Variants in PLXNA4 observed in about 807,000 individuals in gnomAD.
PLXNA4 encodes the protein plexin A4.
In PLXNA4, 44 loss-of-function variants were observed where a neutral mutation model predicts 191.8. The observed-to-expected ratio is 0.23, with a 90% CI of 0.18 to 0.29. The LOEUF (loss-of-function observed/expected upper bound fraction) is 0.29. Ranked by LOEUF, PLXNA4 falls within the 10% of genes least tolerant of loss-of-function variation. The pLI, the probability that PLXNA4 is intolerant of heterozygous loss-of-function variation, is 1.00. For synonymous variants in PLXNA4, 1,082 were observed against 1,009.5 expected (o/e 1.07, Z -1.36); for missense variants, 1,800 against 2,488.8 (o/e 0.72, Z 5.89).
At chr7:132,298,996 A>G (rs1165529207) in intron 3 of PLXNA4, among the ~76,000 whole-genome samples, 1 of 152,252 alleles carries the variant, frequency 6.6e-6, no homozygotes, top group South Asian at 2.1e-4. Context: ...ATGAATGAGA[A>G]CTAACCTAGA....
chr7:132,373,108 C>A (rs1456001060), intron 3 of PLXNA4, among the ~76,000 whole-genome samples: 1 of 152,136 alleles, frequency 6.6e-6, no homozygotes, highest in Non-Finnish European at 1.5e-5. Flanking sequence ...TCCCATTTTG[C>A]ACGGGCACTA....
intron 3 of PLXNA4, among the ~76,000 whole-genome samples, chr7:132,486,063 C>T (rs1317582096): frequency 6.6e-6 from 1 of 152,206 alleles, no homozygotes; most frequent in Non-Finnish European, 1.5e-5. Flanking sequence ...CACCTACCCC[C>T]ATTTCCAGTC....
Position 132,347,762 on chromosome 7 carries a change from C to T in PLXNA4, c.1372-49540G>A, listed in dbSNP as rs533273034. Among the ~76,000 whole-genome samples the T allele has an allele frequency of 1.5e-3, 222 of 152,280 alleles. 1 individual carries two copies. The highest frequency in any genetic ancestry group is 2.0e-3 in the Non-Finnish European group (137 of 68,018). ...GAGATAGTGGTAGAGCCCAGATCTA[C>T]GCCTATGCTTTCTAACTCAGTCCAG... On this transcript the variant is annotated intron_variant, in intron 3 of 31. Transcript: ENST00000321063.
intron 3 of PLXNA4, among the ~76,000 whole-genome samples, chr7:132,400,165 C>T (rs1445912670): frequency 6.6e-6 from 1 of 152,112 alleles, no homozygotes; most frequent in African/African-American, 2.4e-5. Context: ...TACCTTTGTG[C>T]CCCAGAACCA....
intron 30 of PLXNA4, among the ~76,000 whole-genome samples, chr7:132,137,838 G>T (rs963697019): frequency 2.0e-5 from 3 of 151,764 alleles, no homozygotes; most frequent in South Asian, 4.2e-4. Context: ...CGGGACGATG[G>T]GTTAGAGGAT....
chr7:132,380,719 C>T (rs1208615191), intron 3 of PLXNA4, among the ~76,000 whole-genome samples: 1 of 152,210 alleles, frequency 6.6e-6, no homozygotes, highest in East Asian at 1.9e-4. Context: ...ACAGATGATG[C>T]TTTAGAGCAG....
intron 14 of PLXNA4, among the ~76,000 whole-genome samples, chr7:132,189,002 G>GGAGAGGAGAGGAAAGGAAA (rs1562908904): frequency 2.0e-4 from 9 of 45,002 alleles, no homozygotes; most frequent in South Asian, 2.8e-3. Context: ...AGGAGAGAGA[G>GGAGAGGAGAGGAAAGGAAA]AGAGAGAGAG....
At chr7:132,221,534 C>T (rs144406436) in intron 9 of PLXNA4, among the ~76,000 whole-genome samples, 1 of 152,340 alleles carries the variant, frequency 6.6e-6, no homozygotes, top group East Asian at 1.9e-4. Flanking sequence ...CCTGAAACCA[C>T]ACCCTGAGAC....
intron 1 of PLXNA4, among the ~76,000 whole-genome samples, chr7:132,561,640 TCTCCTCCTCTTC>T (rs1563172903): frequency 8.9e-4 from 58 of 65,182 alleles, no homozygotes; most frequent in Non-Finnish European, 1.6e-3. Flanking sequence ...TCCTCCTCCT[TCTCCTCCTCTTC>T]CTCCTTTTCC....
Position 132,124,808 on chromosome 7 carries a change from C to T in PLXNA4, c.*5671G>A, listed in dbSNP as rs1430406075. 6.6e-6 allele frequency: 1 copy of T among 152,214 alleles called. No homozygotes were observed. Among genetic ancestry groups the T allele is most frequent in the Middle Eastern group, 3.2e-3 (1 of 316 alleles). 9.4% of individuals were successfully genotyped at this position (152,214 alleles called of 1,614,324 possible). A position where few individuals can be genotyped will look rare whatever the true frequency, so the allele number is the denominator to read the frequency against. On this transcript the variant is annotated 3_prime_UTR_variant, in exon 32 of 32. Transcript: ENST00000321063. Reference sequence around the variant, plus strand: ...AGGATTTTCAGCCTACCTGAATCACCTCACTACCTCTGCCAATACAAACAG... The same window carrying T: ...AGGATTTTCAGCCTACCTGAATCACTTCACTACCTCTGCCAATACAAACAG...
At chr7:132,562,392 T>TCCTCCTCCTCCTC (rs1801226188) in intron 1 of PLXNA4, among the ~76,000 whole-genome samples, 1 of 97,196 alleles carries the variant, frequency 1.0e-5, no homozygotes, top group East Asian at 3.8e-4. Flanking sequence ...TCCTCCTCCT[T>TCCTCCTCCTCCTC]CTGCTGCTCC....
rs542197186 is a variant in PLXNA4 at position 132,609,489 on chromosome 7, C to G, written c.-87+36439G>C. Among the ~76,000 whole-genome samples the G allele has an allele frequency of 1.2e-4, 19 of 152,244 alleles. No individual in the cohort carries two copies. The South Asian group carries it at 3.9e-3, about 32-fold the overall frequency. ...CCCTGGACCAGCCTTCCCCTTAGTCCCTTCCACCACCCTTCTTGTGGCTAT... is the reference window on the plus strand; with the variant it reads ...CCCTGGACCAGCCTTCCCCTTAGTCGCTTCCACCACCCTTCTTGTGGCTAT... On this transcript the variant is annotated intron_variant, in intron 2 of 4. Coordinates refer to the PLXNA4 transcript ENST00000378539.
chr7:132,335,882 G>T (rs925512675), intron 3 of PLXNA4, among the ~76,000 whole-genome samples: 2 of 152,224 alleles, frequency 1.3e-5, no homozygotes, highest in Admixed American at 6.5e-5. Context: ...TTCTAGGAGG[G>T]AAGTGGGGGC....
chr7:132,395,125 C>A (rs1316480351), intron 3 of PLXNA4, among the ~76,000 whole-genome samples: 2 of 152,246 alleles, frequency 1.3e-5, no homozygotes, highest in Non-Finnish European at 2.9e-5. Context: ...AAATAACCCA[C>A]TTTTCACACC....
chr7:132,141,621 G>C (rs1007457948), intron 29 of PLXNA4, among the ~76,000 whole-genome samples: 9 of 152,220 alleles, frequency 5.9e-5, no homozygotes, highest in African/African-American at 2.2e-4. Flanking sequence ...TCCAGCATGG[G>C]ACCAAGGGAA....
At chr7:132,478,625 G>T (rs1006005932) in intron 3 of PLXNA4, among the ~76,000 whole-genome samples, 6 of 152,132 alleles carry the variant, frequency 3.9e-5, no homozygotes, top group African/African-American at 1.4e-4. Flanking sequence ...TGTATATAAG[G>T]CACCCATATA....
chr7:132,141,580 C>T (rs185915482), intron 29 of PLXNA4, among the ~76,000 whole-genome samples: 20 of 152,224 alleles, frequency 1.3e-4, no homozygotes, highest in Admixed American at 9.8e-4. Flanking sequence ...GCCGGGAGGA[C>T]TGTTGGTGCT....
chr7:132,381,704 T>C (rs1456160080), intron 3 of PLXNA4, among the ~76,000 whole-genome samples: 1 of 152,218 alleles, frequency 6.6e-6, no homozygotes, highest in Admixed American at 6.5e-5. Flanking sequence ...GCGGAGTGAA[T>C]ATCAGGTGTG....
chr7:132,168,663 C>G, intron 21 of PLXNA4, 91 bp from the exon 22 acceptor site: 2 of 1,454,874 alleles, frequency 1.4e-6, no homozygotes, highest in Admixed American at 2.5e-5. Flanking sequence ...ATCCATGACC[C>G]TCTCATCCAC....
Sources: gnomAD v4.1 joint callset for allele counts (sites outside exome capture counted in the v4.1 genomes callset) on GRCh38, gnomAD v4.1.1 for gene constraint, MANE v1.5 for transcripts, NCBI Gene and HGNC (gene_info 2026-07-23, HGNC 2026-07-21) for gene names.